The following AQR variants were observed in gnomAD, a reference collection of about 807,000 sequenced individuals.
AQR encodes the protein RNA helicase aquarius.
A neutral mutation model predicts 180.5 loss-of-function variants in AQR; 61 were observed. That is an observed-to-expected ratio of 0.34 (90% CI 0.28 to 0.42). The LOEUF (loss-of-function observed/expected upper bound fraction) is 0.42. AQR is among the 10% of genes least tolerant of loss of function. The pLI is 1.00. For missense variants in AQR, 1,281 were observed against 1,798.3 expected, an observed-to-expected ratio of 0.71 and a Z score of 5.20; for synonymous variants, 551 against 588.8, an observed-to-expected ratio of 0.94 and a Z score of 0.93.
rs1892588966 is a variant in AQR, at chr15:34,856,647, C to G, written c.*145G>C. The stretch of plus-strand genomic sequence containing the variant: ...TACACATAATTTAAAAAAATATATT[C>G]AAGACACCGAAATCAGTTAACAAAT... On this transcript the variant is annotated 3_prime_UTR_variant, in exon 35 of 35. Transcript: ENST00000156471. The G allele has an allele frequency of 3.2e-6, 2 of 624,648 alleles. No individual in the cohort carries two copies. Among genetic ancestry groups the G allele is most frequent in the South Asian group, 9.0e-5 (2 of 22,288 alleles). The allele number at this position is 624,648 out of a possible 1,614,324, so 38.7% of individuals were successfully genotyped here. A position where few individuals can be genotyped will look rare whatever the true frequency, so the allele number is the denominator to read the frequency against.
intron 32 of AQR, among the ~76,000 whole-genome samples, chr15:34,864,536 G>C (rs1892715723): frequency 6.6e-6 from 1 of 152,108 alleles, no homozygotes; most frequent in South Asian, 2.1e-4. Flanking sequence ...GGTAACTGAA[G>C]GTACACTGCT....
At position 34,893,784 on chromosome 15, in the gene AQR, G is replaced by A; in HGVS notation, c.2461-11C>T. 1 of 1,609,748 alleles carries A rather than the reference G, an allele frequency of 6.2e-7. No individual in the cohort carries two copies. The highest frequency in any genetic ancestry group is 1.1e-5 in the South Asian group (1 of 90,984). On this transcript the variant is annotated splice_polypyrimidine_tract_variant and intron_variant, in intron 22 of 34. Transcript: ENST00000156471. ...AGGTGGGCCCACAACCTAAAAAGAA[G>A]ATGAACACATAGCAAACTACTAAGT...
At chr15:34,867,116 C>CT (rs1016973531) in intron 32 of AQR, among the ~76,000 whole-genome samples, 1 of 152,030 alleles carries the variant, frequency 6.6e-6, no homozygotes, top group African/African-American at 2.4e-5. Flanking sequence ...CAAATGGCTC[C>CT]TTTATCCTCT....
Position 34,927,041 on chromosome 15 carries a change from G to A in AQR, c.1112C>T (p.Pro371Leu). 1 of 1,564,290 alleles carries A rather than the reference G, an allele frequency of 6.4e-7. No individual in the cohort carries two copies. The highest frequency in any genetic ancestry group is 8.7e-7 in the Non-Finnish European group (1 of 1,152,062). The change falls in exon 13 of 35, where the codon CCT becomes CTT. Residue 371 changes from proline (P) to leucine (L), a missense_variant. By Grantham distance (98) the Pro-to-Leu change is moderately conservative (BLOSUM62 -3). Transcript: ENST00000156471. ...GTTTTTCATGTTGTCTTACCTAAGA[G>A]GTCCAAAAAACTTGACCAAGGACTC... ...TRESLVKFFGPLSSNTLHQVA... is the reference protein window; with the variant it reads ...TRESLVKFFGLLSSNTLHQVA...
At chr15:34,886,968 C>CA (rs1893069650) in intron 24 of AQR, among the ~76,000 whole-genome samples, 1 of 151,404 alleles carries the variant, frequency 6.6e-6, no homozygotes, top group African/African-American at 2.4e-5. Context: ...ACTAAAAATA[C>CA]AAAAAAATTA....
intron 25 of AQR, among the ~76,000 whole-genome samples, chr15:34,884,974 AAGAGC>A (rs1893036670): frequency 1.3e-5 from 2 of 152,222 alleles, no homozygotes; most frequent in Non-Finnish European, 2.9e-5. Context: ...ACAAACTGGA[AAGAGC>A]CTTAACATCA....
At chr15:34,879,856 C>T (rs12917597) in intron 27 of AQR, among the ~76,000 whole-genome samples, 120,796 of 152,022 alleles carry the variant, frequency 0.79, 48,293 homozygotes, top group Middle Eastern at 0.87. Flanking sequence ...ATGAGCACCA[C>T]ACAGAAAGTG....
At chr15:34,958,018 C>A (rs940651994) in intron 3 of AQR, among the ~76,000 whole-genome samples, 1 of 151,498 alleles carries the variant, frequency 6.6e-6, no homozygotes, top group African/African-American at 2.4e-5. Context: ...ACCATCCTGG[C>A]TAACATGGTG....
At chr15:34,942,577 G>T (rs1371754393) in intron 6 of AQR, among the ~76,000 whole-genome samples, 7 of 152,186 alleles carry the variant, frequency 4.6e-5, no homozygotes, top group African/African-American at 1.7e-4. Context: ...GTGCAAGAAG[G>T]CTGTGATATG....
At position 34,870,926 on chromosome 15, in the gene AQR, T is replaced by C. The variant is rs1268377787; in HGVS notation, c.3598-4A>G. 2 of 1,611,028 alleles carry C rather than the reference T, an allele frequency of 1.2e-6. No homozygotes were observed. Among genetic ancestry groups the C allele is most frequent in the African/African-American group, 2.7e-5 (2 of 74,806 alleles). ...CATATTCTGCCTCTCCAAGATTCTGTAATGCAAACATAATCAGACTGTGCA... is the reference window on the plus strand; with the variant it reads ...CATATTCTGCCTCTCCAAGATTCTGCAATGCAAACATAATCAGACTGTGCA... On this transcript the variant is annotated splice_polypyrimidine_tract_variant and splice_region_variant and intron_variant, in intron 30 of 34. Coordinates refer to ENST00000156471, the MANE Select transcript of AQR (RefSeq NM_014691.3).
intron 11 of AQR, among the ~76,000 whole-genome samples, chr15:34,931,726 T>G (rs1893863692): frequency 6.6e-6 from 1 of 152,140 alleles, no homozygotes; most frequent in Non-Finnish European, 1.5e-5. Flanking sequence ...GAGAATCACT[T>G]GAACCCAGGA....
chr15:34,893,617 A>ATG (rs1566983830), intron 23 of AQR, 46 bp downstream of exon 23: 3 of 1,215,494 alleles, frequency 2.5e-6, no homozygotes, highest in Non-Finnish European at 3.4e-6. Flanking sequence ...GCACACACAC[A>ATG]CACACACACA....
At chr15:34,907,102 T>C (rs1171252098) in intron 17 of AQR, among the ~76,000 whole-genome samples, 4 of 152,196 alleles carry the variant, frequency 2.6e-5, no homozygotes, top group Non-Finnish European at 5.9e-5. Context: ...AGGTTTTTAA[T>C]ATCAGTTTAA....
At chr15:34,894,595 G>A (rs1893201951) in intron 22 of AQR, among the ~76,000 whole-genome samples, 2 of 151,950 alleles carry the variant, frequency 1.3e-5, no homozygotes, top group Admixed American at 1.3e-4. Flanking sequence ...ATAATAAGAG[G>A]CTATTTTTTT....
rs751839336 is a variant in AQR at position 34,915,195 on chromosome 15, AC to A, written c.1343-17del. The A allele has an allele frequency of 1.9e-6, 3 of 1,571,442 alleles. No homozygotes were observed. Among genetic ancestry groups the A allele is most frequent in the Non-Finnish European group, 2.6e-6 (3 of 1,166,570 alleles). ...GCAAGACAACCTGAAAAGGAAAAAA[AC>A]ATCCATATTTCAATTTTTTTTTTTT... On this transcript the variant is annotated splice_polypyrimidine_tract_variant and intron_variant, in intron 15 of 34. Coordinates refer to ENST00000156471, the MANE Select transcript of AQR (RefSeq NM_014691.3).
Position 34,900,604 on chromosome 15 carries a change from A to G in AQR, c.2243+18T>C. 6.2e-7 allele frequency: 1 copy of G among 1,610,660 alleles called. No homozygotes were observed. The highest frequency in any genetic ancestry group is 8.5e-7 in the Non-Finnish European group (1 of 1,177,970). On this transcript the variant is annotated intron_variant, in intron 20 of 34. Transcript: ENST00000156471. ...ACTACAGAATGCTGGAGAGGAGCGT[A>G]CCCAGTTCTGACTTTACCTGAAAGG... is the stretch of plus-strand genomic sequence containing the variant.
At position 34,854,804 on chromosome 15, in the gene AQR, G is replaced by C. The variant is rs1892565204; in HGVS notation, c.*1988C>G. 1 of 152,194 alleles carries C rather than the reference G, an allele frequency of 6.6e-6. No homozygotes were observed. Among genetic ancestry groups the C allele is most frequent in the Non-Finnish European group, 1.5e-5 (1 of 68,036 alleles). 9.4% of individuals were successfully genotyped at this position (152,194 alleles called of 1,614,324 possible). A position where few individuals can be genotyped will look rare whatever the true frequency, so the allele number is the denominator to read the frequency against. On this transcript the variant is annotated 3_prime_UTR_variant, in exon 35 of 35. Coordinates refer to ENST00000156471, the MANE Select transcript of AQR (RefSeq NM_014691.3). ...ATTGCTTGGACAATAGTTAAGGAGA[G>C]AGCACTTAACAGCCAGCTTATTTTG...
intron 12 of AQR, among the ~76,000 whole-genome samples, chr15:34,928,557 T>C (rs1436151686): frequency 6.6e-6 from 1 of 152,220 alleles, no homozygotes; most frequent in Non-Finnish European, 1.5e-5. Context: ...TAGTATTCCA[T>C]GGTGTATATG....
intron 19 of AQR, among the ~76,000 whole-genome samples, chr15:34,903,879 G>A: frequency 6.9e-6 from 1 of 145,074 alleles, no homozygotes; most frequent in East Asian, 2.0e-4. Context: ...TCCTACTAAT[G>A]AGTAAAAATA....
Sources: gnomAD v4.1 joint callset for allele counts (sites outside exome capture counted in the v4.1 genomes callset) on GRCh38, gnomAD v4.1.1 for gene constraint, MANE v1.5 for transcripts, NCBI Gene and HGNC (gene_info 2026-07-23, HGNC 2026-07-21) for gene names.